The following SPEN variants were observed in gnomAD, a reference collection of about 807,000 sequenced individuals.
SPEN encodes the protein spen family transcriptional repressor.
Under a neutral mutation model 269.9 loss-of-function variants are expected in SPEN, and 18 were observed. That is an observed-to-expected ratio of 0.07 (90% CI 0.05 to 0.10). The LOEUF is 0.10. SPEN is among the 10% of genes least tolerant of loss of function. SPEN has a pLI of 1.00. For missense variants in SPEN, 3,822 were observed against 4,631.2 expected (o/e 0.83, Z 5.07); for synonymous variants, 1,726 against 1,765.7 (o/e 0.98, Z 0.56).
chr1:15,925,877 CTT>C (rs1439887790), intron 10 of SPEN, among the ~76,000 whole-genome samples: 3 of 152,062 alleles, frequency 2.0e-5, no homozygotes, highest in Non-Finnish European at 4.4e-5. Flanking sequence ...ATGTGTTCAC[CTT>C]CATGTGGAAA....
chr1:15,915,325 G>T (rs534964025), intron 5 of SPEN, among the ~76,000 whole-genome samples: 1 of 151,812 alleles, frequency 6.6e-6, no homozygotes, highest in Admixed American at 6.6e-5. Context: ...GCAACAGGCT[G>T]GGGGGGTGGA....
intron 1 of SPEN, among the ~76,000 whole-genome samples, chr1:15,857,482 G>C (rs1477961014): frequency 2.0e-5 from 3 of 151,890 alleles, no homozygotes; most frequent in Non-Finnish European, 4.4e-5. Flanking sequence ...TCAGCCTCCT[G>C]AGTAGCTGGG....
intron 1 of SPEN, among the ~76,000 whole-genome samples, chr1:15,856,066 C>T (rs1170591368): frequency 2.3e-5 from 3 of 129,486 alleles, no homozygotes; most frequent in South Asian, 2.6e-4. Context: ...GATCTCGGCT[C>T]ACTGCAAGCT....
chr1:15,866,059 A>G (rs1244475912), intron 1 of SPEN, among the ~76,000 whole-genome samples: 1 of 152,010 alleles, frequency 6.6e-6, no homozygotes, highest in African/African-American at 2.4e-5. Flanking sequence ...GCCAGTTCCA[A>G]AATTATATGA....
intron 3 of SPEN, among the ~76,000 whole-genome samples, chr1:15,894,855 A>C (rs1285103073): frequency 6.6e-6 from 1 of 151,792 alleles, no homozygotes; most frequent in African/African-American, 2.4e-5. Flanking sequence ...TTAATGCCAA[A>C]GCTTATAAGT....
At position 15,920,873 on chromosome 1, in the gene SPEN, G is replaced by T; in HGVS notation, c.1639G>T (p.Val547Leu). Residue 547 changes from valine (V) to leucine (L), a missense_variant, in exon 9 of 15, where the codon GTG becomes TTG. Physicochemically the swap from Val to Leu is conservative, Grantham distance 32. Coordinates refer to ENST00000375759, the MANE Select transcript of SPEN (RefSeq NM_015001.3). Reference protein sequence around the residue: ...FCRYGPVVKVVFDRLKGMALV... With the variant: ...FCRYGPVVKVLFDRLKGMALV... ...TTTTTGTTTGTTTGTTTTACAGGTG[G>T]TGTTTGACCGCTTAAAAGGCATGGC... The T allele has an allele frequency of 6.3e-7, 1 of 1,597,852 alleles. No homozygotes were observed. Among genetic ancestry groups the T allele is most frequent in the Non-Finnish European group, 8.5e-7 (1 of 1,171,084 alleles).
chr1:15,921,781 A>G (rs1484414016), intron 9 of SPEN, among the ~76,000 whole-genome samples: 5 of 152,276 alleles, frequency 3.3e-5, no homozygotes, highest in Non-Finnish European at 5.9e-5. Context: ...TGAAATAACT[A>G]TGATTGTTAG....
chr1:15,898,079 G>T (rs2070860051), intron 3 of SPEN, among the ~76,000 whole-genome samples: 1 of 152,042 alleles, frequency 6.6e-6, no homozygotes, highest in Non-Finnish European at 1.5e-5. Flanking sequence ...AAAGCAGCAG[G>T]TAGCTTACTT....
At chr1:15,870,309 G>C (rs963400199) in intron 1 of SPEN, among the ~76,000 whole-genome samples, 2 of 152,154 alleles carry the variant, frequency 1.3e-5, no homozygotes, top group Admixed American at 6.6e-5. Context: ...AGTTGGGTGG[G>C]TGGCTATGTA....
At chr1:15,873,744 A>G (rs2070604569) in intron 2 of SPEN, 1 of 1,004,036 alleles carries the variant, frequency 1.0e-6, no homozygotes, top group Admixed American at 5.2e-5. Context: ...CAATTTCTGT[A>G]TTGTTGGAAT....
intron 1 of SPEN, among the ~76,000 whole-genome samples, chr1:15,861,499 T>C (rs1211781333): frequency 6.6e-6 from 1 of 152,124 alleles, no homozygotes; most frequent in Admixed American, 6.6e-5. Flanking sequence ...TTTGTATATT[T>C]CCCATAGTTT....
chr1:15,854,932 G>A (rs2148702240), intron 1 of SPEN, among the ~76,000 whole-genome samples: 1 of 152,190 alleles, frequency 6.6e-6, no homozygotes, highest in Middle Eastern at 3.4e-3. Flanking sequence ...CCAAGTTGAA[G>A]ATTACAAGCA....
rs550060460 is a variant in SPEN at position 15,913,246 on chromosome 1, C to T, written c.1243+1945C>T. Reference sequence around the variant, plus strand: ...ACTTTGCATATAGACCCATTGGTGGCTTCTAAGATTTCTTTTCCCATACAT... The same window carrying T: ...ACTTTGCATATAGACCCATTGGTGGTTTCTAAGATTTCTTTTCCCATACAT... On this transcript the variant is annotated intron_variant, in intron 5 of 14. Coordinates refer to ENST00000375759, the MANE Select transcript of SPEN (RefSeq NM_015001.3). 9.2e-5 allele frequency among the ~76,000 whole-genome samples: 14 copies of T among 152,286 alleles called. No individual in the cohort carries two copies. In the South Asian group the frequency reaches 2.9e-3, roughly 32 times the overall value.
chr1:15,873,821 A>G, intron 2 of SPEN: 1 of 1,037,518 alleles, frequency 9.6e-7, no homozygotes, highest in Non-Finnish European at 1.2e-6. Flanking sequence ...GAATATAGCC[A>G]TTCTTTTCTA....
rs1206243214 is a variant in SPEN at position 15,848,631 on chromosome 1, G to A, written c.83+481G>A. 2.6e-5 allele frequency among the ~76,000 whole-genome samples: 4 copies of A among 152,234 alleles called. No individual in the cohort carries two copies. Among genetic ancestry groups the A allele is most frequent in the Admixed American group, 6.5e-5 (1 of 15,276 alleles). On this transcript the variant is annotated intron_variant, in intron 1 of 14. Transcript: ENST00000375759. The surrounding 1 kb of genome is among the most constrained non-coding windows in gnomAD (Gnocchi z 5.1). ...TGACTTCGGGAGGGTTCCGTGCGAA[G>A]GGAAAGGCGGTGCGAAAACAGAAGT...
At position 15,930,713 on chromosome 1, in the gene SPEN, A is replaced by G; in HGVS notation, c.4473A>G (p.Pro1491=). The part of the protein sequence containing the change: ...EKVDSAPRPI[P]SWYMKKKKIR... ...TTGACTCTGCTCCAAGACCTATTCC[A>G]TCCTGGTACATGAAAAAGAAGAAAA... is the stretch of plus-strand genomic sequence containing the variant. Residue 1491 remains proline, a synonymous_variant, in exon 11 of 15, where the codon CCA becomes CCG. Coordinates refer to ENST00000375759, the MANE Select transcript of SPEN (RefSeq NM_015001.3). This position sits in a 1 kb window ranked among gnomAD's most constrained non-coding sequence, Gnocchi z 5.3. 6.2e-7 allele frequency: 1 copy of G among 1,613,874 alleles called. No individual in the cohort carries two copies. Among genetic ancestry groups the G allele is most frequent in the Non-Finnish European group, 8.5e-7 (1 of 1,179,904 alleles).
chr1:15,904,476 A>AAAAAAAAAAAAAAAAAAAAAAAC, intron 3 of SPEN, among the ~76,000 whole-genome samples: 1 of 145,966 alleles, frequency 6.9e-6, no homozygotes, highest in Non-Finnish European at 1.5e-5. Context: ...AAAAAAAAAA[A>AAAAAAAAAAAAAAAAAAAAAAAC]AGTGAACTAA....
chr1:15,883,699 C>T (rs1000948028), intron 3 of SPEN, among the ~76,000 whole-genome samples: 1 of 151,346 alleles, frequency 6.6e-6, no homozygotes, highest in South Asian at 2.1e-4. Context: ...GTATTCTTTG[C>T]ACAACCTGTC....
At chr1:15,890,687 C>T (rs902354159) in intron 3 of SPEN, among the ~76,000 whole-genome samples, 1 of 150,096 alleles carries the variant, frequency 6.7e-6, no homozygotes, top group East Asian at 2.0e-4. Context: ...CTTTTTAATA[C>T]ATTTACAGCA....
Sources: gnomAD v4.1 joint callset for allele counts (sites outside exome capture counted in the v4.1 genomes callset) on GRCh38, gnomAD v4.1.1 for gene constraint, Gnocchi (gnomAD v3.1) non-coding constraint, MANE v1.5 for transcripts, NCBI Gene and HGNC (gene_info 2026-07-23, HGNC 2026-07-21) for gene names.